PMFBP1: variants seen among roughly 807,000 people sequenced by gnomAD.
The protein encoded by PMFBP1 is polyamine-modulated factor 1-binding protein 1.
Under a neutral mutation model 137.8 loss-of-function variants are expected in PMFBP1, and 131 were observed. That is an observed-to-expected ratio of 0.95 (90% CI 0.82 to 1.10). The LOEUF (loss-of-function observed/expected upper bound fraction) is 1.10, where lower values mean the gene tolerates loss of function less well. Ranked by LOEUF, PMFBP1 falls within the 50% of genes least tolerant of loss-of-function variation. PMFBP1 has a pLI of 0.00. For synonymous variants in PMFBP1, 490 were observed against 450.4 expected (o/e 1.09, Z -1.11); for missense variants, 1,199 against 1,175.4 (o/e 1.02, Z -0.29).
At chr16:72,128,263 T>G (rs534531597) in intron 14 of PMFBP1, 1 of 743,674 alleles carries the variant, frequency 1.3e-6, no homozygotes, top group African/African-American at 1.8e-5. Flanking sequence ...TTTCTGTCAT[T>G]TTTACTTGTG....
intron 18 of PMFBP1, 127 bp downstream of exon 18, chr16:72,123,419 T>C: frequency 1.3e-6 from 1 of 762,002 alleles, no homozygotes; most frequent in Admixed American, 2.6e-5. Context: ...ATCCCTTGGG[T>C]GTGGGCTGAG....
Position 72,130,672 on chromosome 16 carries a change from G to C in PMFBP1, c.1498C>G (p.Leu500Val). Residue 500 changes from leucine to valine, a missense_variant, in exon 11 of 21, where the codon CTG becomes GTG. Leu to Val is a conservative substitution (Grantham distance 32, BLOSUM62 1). Coordinates refer to ENST00000237353, the MANE Select transcript of PMFBP1 (RefSeq NM_031293.3). ...KEEAALAGCH[L>V]EDTQRKLQKG... The stretch of plus-strand genomic sequence containing the variant: ...TGCAGTTTCCTCTGGGTGTCCTCCA[G>C]GTGACAGCCTGCCAGTGCAGCCTCT... The C allele has an allele frequency of 6.2e-7, 1 of 1,613,860 alleles. No homozygotes were observed. Among genetic ancestry groups the C allele is most frequent in the East Asian group, 2.2e-5 (1 of 44,862 alleles).
chr16:72,147,322 T>A (rs193241434), intron 5 of PMFBP1, among the ~76,000 whole-genome samples: 1 of 152,250 alleles, frequency 6.6e-6, no homozygotes, highest in Non-Finnish European at 1.5e-5. Flanking sequence ...GCTAGCCATA[T>A]GCAGAAAGCT....
At chr16:72,137,315 G>A (rs2042646966) in intron 7 of PMFBP1, among the ~76,000 whole-genome samples, 2 of 152,166 alleles carry the variant, frequency 1.3e-5, no homozygotes, top group East Asian at 1.9e-4. Context: ...AAAAGACACA[G>A]ACAAATCCTT....
At chr16:72,196,763 C>G in the PMFBP1 span, among the ~76,000 whole-genome samples, 9 of 152,138 alleles carry the variant, frequency 5.9e-5, no homozygotes, top group Non-Finnish European at 1.3e-4. Flanking sequence ...TTAATATTGT[C>G]CAATCTCTCG....
the PMFBP1 span, among the ~76,000 whole-genome samples, chr16:72,218,293 G>A: frequency 3.9e-5 from 6 of 152,118 alleles, no homozygotes; most frequent in Non-Finnish European, 7.4e-5. Context: ...GAAATGCCTT[G>A]AAAAACTATA....
At chr16:72,137,400 G>A (rs1334854329) in intron 7 of PMFBP1, among the ~76,000 whole-genome samples, 3 of 152,208 alleles carry the variant, frequency 2.0e-5, no homozygotes, top group Non-Finnish European at 4.4e-5. Context: ...TGTTAACAGT[G>A]GATAAGTGCT....
intron 2 of PMFBP1, among the ~76,000 whole-genome samples, chr16:72,170,870 A>G (rs941859881): frequency 3.3e-5 from 5 of 152,234 alleles, no homozygotes; most frequent in African/African-American, 1.2e-4. Context: ...GCTAATCCTC[A>G]TACCAAGTCT....
chr16:72,134,892 T>C (rs1567625924), intron 9 of PMFBP1, among the ~76,000 whole-genome samples: 1 of 152,184 alleles, frequency 6.6e-6, no homozygotes, highest in Non-Finnish European at 1.5e-5. Context: ...TATTATATAT[T>C]AATTTTGTTT....
the PMFBP1 span, among the ~76,000 whole-genome samples, chr16:72,235,188 T>G: frequency 6.6e-6 from 1 of 152,186 alleles, no homozygotes; most frequent in East Asian, 1.9e-4. Context: ...TTTATGTCTA[T>G]GATCGATTTT....
At chr16:72,196,826 A>G in the PMFBP1 span, among the ~76,000 whole-genome samples, 4 of 152,222 alleles carry the variant, frequency 2.6e-5, no homozygotes, top group African/African-American at 7.2e-5. Flanking sequence ...TCCTGGCCCA[A>G]TGCCTTATAG....
At chr16:72,248,764 G>C in the PMFBP1 span, among the ~76,000 whole-genome samples, 1 of 152,084 alleles carries the variant, frequency 6.6e-6, no homozygotes, top group African/African-American at 2.4e-5. Flanking sequence ...ATGAAGTTGA[G>C]AATTTTCAGC....
chr16:72,245,710 G>A, the PMFBP1 span, among the ~76,000 whole-genome samples: 1 of 152,140 alleles, frequency 6.6e-6, no homozygotes, highest in East Asian at 1.9e-4. Context: ...AGTGCTCCCA[G>A]GATGCCCCGG....
the PMFBP1 span, among the ~76,000 whole-genome samples, chr16:72,244,700 G>T: frequency 6.6e-6 from 1 of 152,140 alleles, no homozygotes; most frequent in African/African-American, 2.4e-5. Flanking sequence ...ACTGGTATGG[G>T]GACCAACAGA....
chr16:72,216,093 C>T, the PMFBP1 span, among the ~76,000 whole-genome samples: 3 of 152,156 alleles, frequency 2.0e-5, no homozygotes, highest in African/African-American at 4.8e-5. Flanking sequence ...CTTCCAGGCC[C>T]GGCCCCTAAA....
chr16:72,140,973 C>A (rs539266015), intron 5 of PMFBP1, among the ~76,000 whole-genome samples: 3 of 115,148 alleles, frequency 2.6e-5, no homozygotes, highest in African/African-American at 1.1e-4. Context: ...CTCACTCTGT[C>A]GCCCAGGCTG....
intron 9 of PMFBP1, among the ~76,000 whole-genome samples, chr16:72,135,740 G>GTTTTTTTTTTTTTTTTT (rs869189990): frequency 7.5e-5 from 5 of 66,816 alleles, no homozygotes; most frequent in Non-Finnish European, 1.3e-4. Context: ...TAATTTTTCT[G>GTTTTTTTTTTTTTTTTT]TTTTTTTTTT....
the PMFBP1 span, among the ~76,000 whole-genome samples, chr16:72,233,330 G>C: frequency 6.6e-6 from 1 of 152,040 alleles, no homozygotes; most frequent in Non-Finnish European, 1.5e-5. Context: ...CCACAAAAAG[G>C]CAAATAATAA....
At chr16:72,143,910 A>G (rs112312770) in intron 5 of PMFBP1, among the ~76,000 whole-genome samples, 21 of 152,172 alleles carry the variant, frequency 1.4e-4, no homozygotes, top group Admixed American at 3.3e-4. Context: ...GCCTGGTGGC[A>G]CATGCCTGTA....
Sources: gnomAD v4.1 joint callset for allele counts (sites outside exome capture counted in the v4.1 genomes callset) on GRCh38, gnomAD v4.1.1 for gene constraint, MANE v1.5 for transcripts, NCBI Gene and HGNC (gene_info 2026-07-23, HGNC 2026-07-21) for gene names.